The following FHIT variants were observed in gnomAD, a reference collection of about 807,000 sequenced individuals.
The protein encoded by FHIT is fragile histidine triad diadenosine triphosphatase, also known as bis(5'-adenosyl)-triphosphatase.
In FHIT, 19 loss-of-function variants were observed where a neutral mutation model predicts 17.9. The ratio of observed to expected loss-of-function variants is 1.06; its 90% CI spans 0.74 to 1.56. FHIT has a LOEUF of 1.56. Among genes scored for constraint, FHIT ranks in the 40% most tolerant of loss-of-function variants. The pLI, the probability that FHIT is intolerant of heterozygous loss-of-function variation, is 0.00. For synonymous variants in FHIT, 81 were observed against 69.7 expected, an observed-to-expected ratio of 1.16 and a Z score of -0.81; for missense variants, 248 against 189.2, an observed-to-expected ratio of 1.31 and a Z score of -1.82.
At chr3:61,096,059 C>T (rs1394462141) in intron 2 of FHIT, among the ~76,000 whole-genome samples, 2 of 152,170 alleles carry the variant, frequency 1.3e-5, no homozygotes, top group Non-Finnish European at 2.9e-5. Context: ...ATCAGAGGTG[C>T]CCTTTTTGCT....
At chr3:59,801,242 A>G (rs1699981965) in intron 8 of FHIT, among the ~76,000 whole-genome samples, 1 of 152,160 alleles carries the variant, frequency 6.6e-6, no homozygotes, top group Non-Finnish European at 1.5e-5. Context: ...TCATCCTTTT[A>G]TATATGATGC....
intron 4 of FHIT, among the ~76,000 whole-genome samples, chr3:60,647,937 A>G (rs1553687209): frequency 6.6e-6 from 1 of 152,224 alleles, no homozygotes; most frequent in Non-Finnish European, 1.5e-5. Flanking sequence ...ATAGTGACCC[A>G]GCAGAAATAC....
intron 4 of FHIT, among the ~76,000 whole-genome samples, chr3:60,804,544 A>G (rs1377065704): frequency 6.6e-6 from 1 of 152,240 alleles, no homozygotes; most frequent in African/African-American, 2.4e-5. Context: ...ATTAGCACCT[A>G]CATTACTACG....
chr3:60,604,962 T>C (rs1361575149), intron 4 of FHIT, among the ~76,000 whole-genome samples: 1 of 152,164 alleles, frequency 6.6e-6, no homozygotes, highest in East Asian at 1.9e-4. Flanking sequence ...ACACAAGAGC[T>C]TTCTGACTTC....
At chr3:60,376,132 ATTTG>A (rs1315139776) in intron 5 of FHIT, among the ~76,000 whole-genome samples, 1 of 152,056 alleles carries the variant, frequency 6.6e-6, no homozygotes, top group Non-Finnish European at 1.5e-5. Context: ...GTTTAAAATT[ATTTG>A]TTTAATGTCC....
intron 5 of FHIT, among the ~76,000 whole-genome samples, chr3:60,105,543 G>C (rs1704372031): frequency 6.6e-6 from 1 of 152,038 alleles, no homozygotes; most frequent in Admixed American, 6.6e-5. Flanking sequence ...TAGTGATCAG[G>C]GTGAAACATA....
chr3:59,878,449 A>T (rs1703259935), intron 8 of FHIT, among the ~76,000 whole-genome samples: 1 of 152,216 alleles, frequency 6.6e-6, no homozygotes, highest in African/African-American at 2.4e-5. Context: ...GGCTCTAACT[A>T]ACAGCTGTCC....
intron 5 of FHIT, among the ~76,000 whole-genome samples, chr3:60,314,115 AT>A (rs5849351): frequency 0.99 from 150,453 of 152,230 alleles, 74,338 homozygotes; most frequent in Middle Eastern, 1. Flanking sequence ...TTGCATAAAC[AT>A]TTTCCCTTCA....
At chr3:60,955,633 T>TATATATATATATATATATACAC (rs1272864632) in intron 3 of FHIT, among the ~76,000 whole-genome samples, 35 of 39,454 alleles carry the variant, frequency 8.9e-4, no homozygotes, top group South Asian at 3.5e-3. Flanking sequence ...TATATATATA[T>TATATATATATATATATATACAC]ACACACACAC....
intron 5 of FHIT, among the ~76,000 whole-genome samples, chr3:60,239,142 TG>T (rs1704975080): frequency 6.6e-6 from 1 of 152,230 alleles, no homozygotes; most frequent in African/African-American, 2.4e-5. Context: ...CCAGAGTTTT[TG>T]CCCTTCATTT....
At chr3:59,872,678 T>C (rs1702976503) in intron 8 of FHIT, among the ~76,000 whole-genome samples, 1 of 152,214 alleles carries the variant, frequency 6.6e-6, no homozygotes, top group African/African-American at 2.4e-5. Flanking sequence ...CTCAATATCT[T>C]TCTCAAGAAG....
intron 8 of FHIT, among the ~76,000 whole-genome samples, chr3:59,767,918 CTAACT>C (rs1238081713): frequency 1.3e-5 from 2 of 152,160 alleles, no homozygotes; most frequent in Non-Finnish European, 2.9e-5. Context: ...AATTGAGGCT[CTAACT>C]TAACTTAAAG....
At chr3:60,155,079 C>G (rs1171512977) in intron 5 of FHIT, among the ~76,000 whole-genome samples, 1 of 150,984 alleles carries the variant, frequency 6.6e-6, no homozygotes, top group African/African-American at 2.4e-5. Flanking sequence ...CTCAGCTACT[C>G]GGGAGACTGA....
intron 5 of FHIT, among the ~76,000 whole-genome samples, chr3:60,239,146 C>T (rs549480360): frequency 6.6e-6 from 1 of 152,160 alleles, no homozygotes; most frequent in African/African-American, 2.4e-5. Flanking sequence ...AGTTTTTGCC[C>T]TTCATTTTTT....
In FHIT at chr3:60,669,848, G is replaced by T. The variant is rs543877062; in HGVS notation, c.-17-132869C>A. 3.9e-5 allele frequency among the ~76,000 whole-genome samples: 6 copies of T among 152,300 alleles called. No homozygotes were observed. In the South Asian group the frequency reaches 1.2e-3, roughly 32 times the overall value. ...CTGGGCAATTGAGTTCTCCCACTGA[G>T]CAAGAAAGAATTGAAAATAACAGCA... On this transcript the variant is annotated intron_variant, in intron 4 of 9. Transcript: ENST00000492590.
chr3:61,045,162 G>A (rs1423147957), intron 2 of FHIT, among the ~76,000 whole-genome samples: 2 of 152,196 alleles, frequency 1.3e-5, no homozygotes, highest in Non-Finnish European at 2.9e-5. Flanking sequence ...TGGGCTAAAT[G>A]CTCCAATTAA....
chr3:60,356,494 G>C (rs113425938), intron 5 of FHIT, among the ~76,000 whole-genome samples: 393 of 152,240 alleles, frequency 2.6e-3, no homozygotes, highest in African/African-American at 8.6e-3. Context: ...ACAGTAAAAT[G>C]TAAGACTAGT....
At chr3:60,322,902 A>T (rs973908712) in intron 5 of FHIT, among the ~76,000 whole-genome samples, 7 of 152,206 alleles carry the variant, frequency 4.6e-5, no homozygotes, top group African/African-American at 1.7e-4. Context: ...AAAAAAATAC[A>T]ATGTTTAACT....
At chr3:60,291,763 A>G (rs1707995513) in intron 5 of FHIT, among the ~76,000 whole-genome samples, 1 of 152,136 alleles carries the variant, frequency 6.6e-6, no homozygotes, top group African/African-American at 2.4e-5. Flanking sequence ...TGGTATCTTT[A>G]TGAGAGAAAG....
Sources: allele counts gnomAD v4.1 joint callset (sites outside exome capture counted in the v4.1 genomes callset), GRCh38; gene constraint gnomAD v4.1.1; transcripts MANE v1.5; gene names NCBI Gene and HGNC (gene_info 2026-07-23, HGNC 2026-07-21).